The following EPSTI1 variants were observed in gnomAD, a reference collection of about 807,000 sequenced individuals.
EPSTI1 encodes the protein epithelial stromal interaction 1.
In EPSTI1, 66 loss-of-function variants were observed where a neutral mutation model predicts 49.9. That is an observed-to-expected ratio of 1.32 (90% CI 1.08 to 1.62). The LOEUF (loss-of-function observed/expected upper bound fraction) is 1.62, where lower values mean the gene tolerates loss of function less well. Among genes scored for constraint, EPSTI1 ranks in the 40% most tolerant of loss-of-function variants. The pLI is 0.00. For missense variants in EPSTI1, 394 were observed against 365.5 expected, an observed-to-expected ratio of 1.08 and a Z score of -0.64; for synonymous variants, 137 against 130.7, an observed-to-expected ratio of 1.05 and a Z score of -0.33.
intron 8 of EPSTI1, among the ~76,000 whole-genome samples, chr13:42,916,262 G>T (rs1169934706): frequency 3.4e-5 from 3 of 87,806 alleles, no homozygotes; most frequent in African/African-American, 3.1e-5. Flanking sequence ...AAGACAAAAA[G>T]ATATTTATTT....
intron 5 of EPSTI1, among the ~76,000 whole-genome samples, chr13:42,954,470 C>A (rs1204133602): frequency 6.6e-6 from 1 of 152,230 alleles, no homozygotes; most frequent in East Asian, 1.9e-4. Context: ...TTCAGTAAGA[C>A]AACCCAACTC....
intron 7 of EPSTI1, among the ~76,000 whole-genome samples, chr13:42,919,961 A>G (rs2037946277): frequency 6.6e-6 from 1 of 152,194 alleles, no homozygotes; most frequent in African/African-American, 2.4e-5. Flanking sequence ...GGGCTATGTG[A>G]GAAATATCTT....
At chr13:42,924,582 C>G (rs2038115380) in intron 7 of EPSTI1, among the ~76,000 whole-genome samples, 1 of 152,134 alleles carries the variant, frequency 6.6e-6, no homozygotes, top group African/African-American at 2.4e-5. Context: ...CCTGTTCTCC[C>G]TCTCCCTCCC....
At chr13:42,936,073 T>C (rs2038553228) in intron 6 of EPSTI1, among the ~76,000 whole-genome samples, 2 of 152,192 alleles carry the variant, frequency 1.3e-5, no homozygotes, top group Admixed American at 1.3e-4. Context: ...TCCTCAATTA[T>C]AAAAGGAGAA....
At chr13:42,948,462 G>T (rs1434182489) in intron 6 of EPSTI1, among the ~76,000 whole-genome samples, 5 of 139,616 alleles carry the variant, frequency 3.6e-5, no homozygotes, top group Admixed American at 7.1e-5. Flanking sequence ...TGTTTTTTGT[G>T]TTTTTTTTTT....
intron 2 of EPSTI1, 99 bp from the exon 3 acceptor site, chr13:42,969,276 C>G (rs2039707217): frequency 1.7e-6 from 2 of 1,164,144 alleles, no homozygotes; most frequent in Admixed American, 2.2e-5. Context: ...AGGCAATTAA[C>G]TATATGTGAG....
Position 42,918,545 on chromosome 13 carries a change from T to C in EPSTI1, c.658-921A>G, listed in dbSNP as rs144456188. Among the ~76,000 whole-genome samples the C allele has an allele frequency of 4.5e-3, 688 of 152,342 alleles. 3 individuals carry two copies. The highest frequency in any genetic ancestry group is 0.021 in the South Asian group (101 of 4,830). On this transcript the variant is annotated intron_variant, in intron 7 of 10. Coordinates refer to ENST00000313624, the MANE Select transcript of EPSTI1 (RefSeq NM_033255.5). ...TTTTTCCAGCCTACGTGAACTTTTA[T>C]GTAACTTTTCTCAAGCACTTCTTAG...
At chr13:42,945,406 T>C (rs763066185) in intron 6 of EPSTI1, among the ~76,000 whole-genome samples, 2 of 152,168 alleles carry the variant, frequency 1.3e-5, no homozygotes, top group Non-Finnish European at 2.9e-5. Context: ...GAGATTTGGA[T>C]GGGGACACAG....
chr13:42,929,049 T>A (rs1594666231), intron 6 of EPSTI1, among the ~76,000 whole-genome samples: 4 of 152,212 alleles, frequency 2.6e-5, no homozygotes, highest in Non-Finnish European at 4.4e-5. Context: ...AAAAGCAGTC[T>A]ATGCTTTTTG....
chr13:42,987,425 T>G lies in EPSTI1; in HGVS notation c.188+4553A>C, dbSNP rs539721178. 3.9e-5 allele frequency among the ~76,000 whole-genome samples: 6 copies of G among 152,236 alleles called. No homozygotes were observed. The South Asian group carries it at 1.2e-3, about 32-fold the overall frequency. ...CGTCACCTCTAAGGAAAGATCTTCC[T>G]GCTCCCAAGACCAGCTGAGACCCCA... On this transcript the variant is annotated intron_variant, in intron 1 of 10. Coordinates refer to ENST00000313624, the MANE Select transcript of EPSTI1 (RefSeq NM_033255.5).
chr13:42,987,712 A>G (rs2040111025), intron 1 of EPSTI1, among the ~76,000 whole-genome samples: 1 of 152,184 alleles, frequency 6.6e-6, no homozygotes, highest in Non-Finnish European at 1.5e-5. Context: ...ATATTTGTTC[A>G]CATATTAATA....
chr13:42,945,130 G>C (rs2038880162), intron 6 of EPSTI1, among the ~76,000 whole-genome samples: 1 of 152,190 alleles, frequency 6.6e-6, no homozygotes, highest in African/African-American at 2.4e-5. Flanking sequence ...AAGAAAAAGA[G>C]GTTTAATTGA....
intron 5 of EPSTI1, among the ~76,000 whole-genome samples, chr13:42,954,457 A>G (rs1447873076): frequency 6.6e-6 from 1 of 152,182 alleles, no homozygotes; most frequent in African/African-American, 2.4e-5. Flanking sequence ...TTGAGAAGAG[A>G]TTTTCAGTAA....
Position 42,928,480 on chromosome 13 carries a change from C to T in EPSTI1, c.564-2051G>A, listed in dbSNP as rs527595820. Among the ~76,000 whole-genome samples the T allele has an allele frequency of 1.2e-4, 19 of 152,296 alleles. No homozygotes were observed. In the East Asian group the frequency reaches 1.9e-3, roughly 15 times the overall value. ...TGGGGGTTCTTGGTATTATCACTAC[C>T]GTGACTCTACTGCCTGTTGGAGAGG... On this transcript the variant is annotated intron_variant, in intron 6 of 10. Coordinates refer to ENST00000313624, the MANE Select transcript of EPSTI1 (RefSeq NM_033255.5).
chr13:42,968,967 C>A, intron 3 of EPSTI1, 127 bp downstream of exon 3: 7 of 819,324 alleles, frequency 8.5e-6, no homozygotes, highest in Non-Finnish European at 1.4e-5. Flanking sequence ...TAAATGCATT[C>A]CACCCAAGCA....
At chr13:42,900,592 G>A (rs1307956091) in intron 8 of EPSTI1, among the ~76,000 whole-genome samples, 1 of 151,710 alleles carries the variant, frequency 6.6e-6, no homozygotes, top group Admixed American at 6.6e-5. Flanking sequence ...CTCTGTGAGT[G>A]TAAAATTGCT....
chr13:42,899,614 T>G (rs1054353096), intron 9 of EPSTI1, among the ~76,000 whole-genome samples: 3 of 152,142 alleles, frequency 2.0e-5, no homozygotes. Flanking sequence ...TCAAAAGAAT[T>G]TGTCCCTTTA....
chr13:42,948,329 G>A (rs530330949), intron 6 of EPSTI1, among the ~76,000 whole-genome samples: 2 of 152,076 alleles, frequency 1.3e-5, no homozygotes, highest in East Asian at 1.9e-4. Flanking sequence ...AGGCTTGCTT[G>A]TCCTTGGACC....
At chr13:42,921,904 T>C (rs1385704805) in intron 7 of EPSTI1, among the ~76,000 whole-genome samples, 1 of 151,270 alleles carries the variant, frequency 6.6e-6, no homozygotes, top group Non-Finnish European at 1.5e-5. Flanking sequence ...CAGGCATAAG[T>C]TGGAAAATTG....
Sources: allele counts gnomAD v4.1 joint callset (sites outside exome capture counted in the v4.1 genomes callset), GRCh38; gene constraint gnomAD v4.1.1; transcripts MANE v1.5; gene names NCBI Gene and HGNC (gene_info 2026-07-23, HGNC 2026-07-21).